Variants in CFAP300 observed in about 807,000 individuals in gnomAD.
The protein encoded by CFAP300 is cilia and flagella associated protein 300.
CFAP300 carries 32 observed loss-of-function variants against 33.0 expected under a neutral mutation model. The ratio of observed to expected loss-of-function variants is 0.97; its 90% CI spans 0.73 to 1.30. The LOEUF (loss-of-function observed/expected upper bound fraction) is 1.30. Ranked by LOEUF, CFAP300 falls within the 50% of genes most tolerant of loss-of-function variation. The pLI, the probability that CFAP300 is intolerant of heterozygous loss-of-function variation, is 0.00. For missense variants in CFAP300, 356 were observed against 318.1 expected, an observed-to-expected ratio of 1.12 and a Z score of -0.90; for synonymous variants, 102 against 106.8, an observed-to-expected ratio of 0.95 and a Z score of 0.28.
chr11:102,078,493 C>A (rs184391567), intron 5 of CFAP300, among the ~76,000 whole-genome samples: 50 of 152,094 alleles, frequency 3.3e-4, no homozygotes, highest in African/African-American at 1.0e-3. Flanking sequence ...TTTATATTTC[C>A]TTTTCCTTTT....
At chr11:102,076,166 G>A in intron 5 of CFAP300, 121 bp downstream of exon 5, 1 of 1,128,048 alleles carries the variant, frequency 8.9e-7, no homozygotes, top group Non-Finnish European at 1.2e-6. Flanking sequence ...CATATAAAAA[G>A]CTCTACCCTT....
rs898695534 is a variant in CFAP300 at position 102,084,550 on chromosome 11, A to C, written c.*1351A>C. 1.4e-4 allele frequency: 21 copies of C among 152,238 alleles called. No individual in the cohort carries two copies. Among genetic ancestry groups the C allele is most frequent in the Admixed American group, 5.9e-4 (9 of 15,280 alleles). The allele number at this position is 152,238 out of a possible 1,614,324, so 9.4% of individuals were successfully genotyped here. On this transcript the variant is annotated 3_prime_UTR_variant, in exon 7 of 7. Coordinates refer to ENST00000434758, the MANE Select transcript of CFAP300 (RefSeq NM_032930.3). ...TTTTTAAATTACATAAAAACATAAA[A>C]TCAAGAACTGAAATGTCTGTTTGCT...
chr11:102,074,582 C>A (rs974971170), intron 4 of CFAP300, among the ~76,000 whole-genome samples: 1 of 152,116 alleles, frequency 6.6e-6, no homozygotes, highest in African/African-American at 2.4e-5. Flanking sequence ...TTCTAGTCAA[C>A]CATCTTGACA....
intron 2 of CFAP300, among the ~76,000 whole-genome samples, chr11:102,055,084 G>A (rs562065124): frequency 1.2e-3 from 185 of 149,778 alleles, no homozygotes; most frequent in African/African-American, 4.2e-3. Context: ...GGATTCAAGC[G>A]ATTCTCCTGC....
chr11:102,052,134 G>A (rs972645768), intron 2 of CFAP300, among the ~76,000 whole-genome samples: 1 of 152,106 alleles, frequency 6.6e-6, no homozygotes, highest in African/African-American at 2.4e-5. Context: ...TTATTTGAGG[G>A]TCCCTTATAA....
chr11:102,080,722 T>G (rs1942461932), intron 5 of CFAP300, among the ~76,000 whole-genome samples: 1 of 152,182 alleles, frequency 6.6e-6, no homozygotes, highest in South Asian at 2.1e-4. Context: ...TTATATACAT[T>G]ATCTCATTTG....
At chr11:102,077,737 G>A (rs997275505) in intron 5 of CFAP300, among the ~76,000 whole-genome samples, 3 of 152,042 alleles carry the variant, frequency 2.0e-5, no homozygotes, top group African/African-American at 4.8e-5. Context: ...ACCATGCCTG[G>A]CTAATTTCTT....
In CFAP300 at chr11:102,063,986, C is replaced by G. The variant is rs140537770; in HGVS notation, c.269-2499C>G. On this transcript the variant is annotated intron_variant, in intron 3 of 6. Coordinates refer to ENST00000434758, the MANE Select transcript of CFAP300 (RefSeq NM_032930.3). ...TGAAGTCCCATGACCATCCCTCCTT[C>G]TACCTCATTGAAACCCAATTATTTC... 3.4e-3 allele frequency among the ~76,000 whole-genome samples: 521 copies of G among 152,310 alleles called. 3 individuals are homozygous for G. Among genetic ancestry groups the G allele is most frequent in the African/African-American group, 0.012 (497 of 41,570 alleles).
chr11:102,054,256 T>C (rs1346311772), intron 2 of CFAP300, among the ~76,000 whole-genome samples: 3 of 152,236 alleles, frequency 2.0e-5, no homozygotes, highest in East Asian at 3.9e-4. Flanking sequence ...TGTCTGCCCA[T>C]TTTGTACTTT....
chr11:102,063,081 A>G, intron 3 of CFAP300, among the ~76,000 whole-genome samples: 1 of 152,166 alleles, frequency 6.6e-6, no homozygotes, highest in Non-Finnish European at 1.5e-5. Context: ...CCTCCAACCA[A>G]AGCCTTGGAG....
intron 6 of CFAP300, among the ~76,000 whole-genome samples, chr11:102,082,401 A>G (rs1009579582): frequency 5.3e-5 from 8 of 152,020 alleles, no homozygotes; most frequent in Admixed American, 3.3e-4. Context: ...AAAAAAAAAA[A>G]GAGAAAACAA....
intron 5 of CFAP300, among the ~76,000 whole-genome samples, chr11:102,076,328 CT>C (rs1162916673): frequency 1.3e-5 from 2 of 152,152 alleles, no homozygotes; most frequent in East Asian, 1.9e-4. Context: ...TCCAAGCCTT[CT>C]TTTTTTCTTA....
At chr11:102,052,407 TC>T in intron 2 of CFAP300, among the ~76,000 whole-genome samples, 1 of 152,248 alleles carries the variant, frequency 6.6e-6, no homozygotes, top group East Asian at 1.9e-4. Context: ...GCGTGAATAT[TC>T]TTTTATTTGA....
At chr11:102,065,263 A>G (rs1000104883) in intron 3 of CFAP300, among the ~76,000 whole-genome samples, 1 of 151,886 alleles carries the variant, frequency 6.6e-6, no homozygotes, top group Non-Finnish European at 1.5e-5. Flanking sequence ...TTGTATTTTT[A>G]GTAGAGATGG....
chr11:102,048,716 A>G (rs1308616563), intron 2 of CFAP300, among the ~76,000 whole-genome samples: 2 of 152,222 alleles, frequency 1.3e-5, no homozygotes, highest in African/African-American at 2.4e-5. Flanking sequence ...TCTTTTGACT[A>G]CTAGAGGTGA....
chr11:102,051,002 T>C (rs1410621911), intron 2 of CFAP300, among the ~76,000 whole-genome samples: 1 of 152,138 alleles, frequency 6.6e-6, no homozygotes, highest in Non-Finnish European at 1.5e-5. Flanking sequence ...TACATGATAA[T>C]GTCAAGTACC....
At position 102,047,877 on chromosome 11, in the gene CFAP300, G is replaced by A. The variant is rs746433244; in HGVS notation, c.173G>A (p.Arg58Gln). 6.2e-7 allele frequency: 1 copy of A among 1,614,166 alleles called. No homozygotes were observed. Among genetic ancestry groups the A allele is most frequent in the South Asian group, 1.1e-5 (1 of 91,076 alleles). Residue 58 changes from arginine to glutamine, a missense_variant, in exon 2 of 7, where the codon CGG (arginine) becomes CAG (glutamine). Coordinates refer to ENST00000434758, the MANE Select transcript of CFAP300 (RefSeq NM_032930.3). Reference protein sequence around the residue: ...FGFDQTFQSYRKDDFVMAFFK... With the variant: ...FGFDQTFQSYQKDDFVMAFFK... ...TTTGACCAGACCTTTCAGTCCTATC[G>A]GAAGGATGATTTCGTTATGGTTAGT...
chr11:102,065,137 C>T (rs1469115743), intron 3 of CFAP300, among the ~76,000 whole-genome samples: 2 of 152,090 alleles, frequency 1.3e-5, no homozygotes, highest in Non-Finnish European at 2.9e-5. Flanking sequence ...GATGGAGTCT[C>T]ATTTGGTCAC....
chr11:102,054,303 G>A (rs1942015648), intron 2 of CFAP300, among the ~76,000 whole-genome samples: 2 of 152,192 alleles, frequency 1.3e-5, no homozygotes, highest in Admixed American at 6.5e-5. Flanking sequence ...TACATGGCAT[G>A]TTACTATCTC....
Sources: allele counts gnomAD v4.1 joint callset (sites outside exome capture counted in the v4.1 genomes callset), GRCh38; gene constraint gnomAD v4.1.1; transcripts MANE v1.5; gene names NCBI Gene and HGNC (gene_info 2026-07-23, HGNC 2026-07-21).